TCF4: variants seen among roughly 807,000 people sequenced by gnomAD.
TCF4 encodes transcription factor 4.
In TCF4, 3 loss-of-function variants were observed where a neutral mutation model predicts 82.1. The ratio of observed to expected loss-of-function variants is 0.04; its 90% CI spans 0.02 to 0.09. TCF4 has a LOEUF of 0.09. TCF4 is among the 10% of genes least tolerant of loss of function. TCF4 has a pLI of 1.00. For synonymous variants in TCF4, 276 were observed against 309.6 expected, an observed-to-expected ratio of 0.89 and a Z score of 1.14; for missense variants, 518 against 852.7, an observed-to-expected ratio of 0.61 and a Z score of 4.89.
intron 3 of TCF4, among the ~76,000 whole-genome samples, chr18:55,470,295 C>T (rs2096145161): frequency 6.6e-6 from 1 of 152,186 alleles, no homozygotes; most frequent in African/African-American, 2.4e-5. Context: ...CTGAGCCTTA[C>T]ATTTTTATGA....
chr18:55,272,626 GA>G (rs1010226212), intron 10 of TCF4, among the ~76,000 whole-genome samples: 3 of 152,020 alleles, frequency 2.0e-5, no homozygotes, highest in Non-Finnish European at 4.4e-5. Context: ...ACATAAATAA[GA>G]ATAAAATCAT....
chr18:55,431,393 C>T (rs1414245252), intron 5 of TCF4, among the ~76,000 whole-genome samples: 7 of 152,180 alleles, frequency 4.6e-5, no homozygotes, highest in African/African-American at 1.7e-4. Context: ...AATTCTCTCG[C>T]CTCAGCCTCC....
chr18:55,559,993 T>C (rs928376411), intron 3 of TCF4, among the ~76,000 whole-genome samples: 1 of 152,226 alleles, frequency 6.6e-6, no homozygotes, highest in Non-Finnish European at 1.5e-5. Context: ...CCAACTGGCC[T>C]TGCCATTGTC....
chr18:55,567,318 T>C (rs2097418175), intron 3 of TCF4, among the ~76,000 whole-genome samples: 1 of 152,230 alleles, frequency 6.6e-6, no homozygotes. Context: ...CATGTAATAA[T>C]ATAATTTCAA....
intron 3 of TCF4, among the ~76,000 whole-genome samples, chr18:55,581,902 T>A (rs1904983944): frequency 1.3e-5 from 2 of 152,058 alleles, no homozygotes; most frequent in Non-Finnish European, 2.9e-5. Context: ...TCAGTAAAAC[T>A]AAACAGTCAC....
chr18:55,396,517 C>T (rs946436053), intron 6 of TCF4, among the ~76,000 whole-genome samples: 5 of 152,158 alleles, frequency 3.3e-5, no homozygotes, highest in African/African-American at 1.2e-4. Context: ...CAGCAACCCC[C>T]TCGAGTCGGC....
At chr18:55,307,815 C>T (rs1438254971) in intron 8 of TCF4, among the ~76,000 whole-genome samples, 1 of 152,172 alleles carries the variant, frequency 6.6e-6, no homozygotes, top group Middle Eastern at 3.2e-3. Context: ...GTCTGTGTCA[C>T]CATAGGCTTC....
chr18:55,354,301 C>T (rs892231155), intron 6 of TCF4, among the ~76,000 whole-genome samples: 11 of 152,192 alleles, frequency 7.2e-5, no homozygotes, highest in African/African-American at 2.7e-4. Context: ...AAATACAGCA[C>T]TCTGTGAGTG....
intron 6 of TCF4, among the ~76,000 whole-genome samples, chr18:55,378,574 A>G (rs756068494): frequency 6.6e-6 from 1 of 152,210 alleles, no homozygotes; most frequent in Admixed American, 6.5e-5. Context: ...CAGGCTAGCC[A>G]TGTGACTAGT....
intron 8 of TCF4, among the ~76,000 whole-genome samples, chr18:55,341,281 C>A (rs905788071): frequency 6.6e-6 from 1 of 152,180 alleles, no homozygotes; most frequent in Non-Finnish European, 1.5e-5. Flanking sequence ...AGACATGTTT[C>A]TTCACCTCTC....
At chr18:55,416,095 G>C (rs2094516830) in intron 5 of TCF4, among the ~76,000 whole-genome samples, 1 of 152,040 alleles carries the variant, frequency 6.6e-6, no homozygotes, top group South Asian at 2.1e-4. Flanking sequence ...TTTACAGTAG[G>C]TTATACCAGA....
chr18:55,436,674 T>C (rs1039638058), intron 5 of TCF4, among the ~76,000 whole-genome samples: 2 of 152,216 alleles, frequency 1.3e-5, no homozygotes, highest in South Asian at 4.1e-4. Flanking sequence ...GAAATTGCAG[T>C]GCTGAGCAGC....
intron 3 of TCF4, among the ~76,000 whole-genome samples, chr18:55,580,955 T>C (rs1329413498): frequency 2.6e-5 from 4 of 151,940 alleles, no homozygotes; most frequent in East Asian, 1.9e-4. Context: ...ATACAACAGG[T>C]ATAAGGTACA....
At chr18:55,298,141 C>CTA (rs1383788115) in intron 8 of TCF4, among the ~76,000 whole-genome samples, 1 of 152,216 alleles carries the variant, frequency 6.6e-6, no homozygotes, top group East Asian at 1.9e-4. Context: ...GTATCTAACA[C>CTA]TATCTCATGC....
intron 15 of TCF4, among the ~76,000 whole-genome samples, chr18:55,249,428 C>T (rs534218787): frequency 6.6e-6 from 1 of 152,314 alleles, no homozygotes; most frequent in African/African-American, 2.4e-5. Context: ...CTGCAGGACT[C>T]TGAAGGGATG....
chr18:55,619,722 T>C (rs1405208401), intron 2 of TCF4, among the ~76,000 whole-genome samples: 2 of 152,202 alleles, frequency 1.3e-5, no homozygotes, highest in Non-Finnish European at 1.5e-5. Context: ...CCTAATTACT[T>C]GTTATATTTT....
chr18:55,540,151 A>T (rs893670975), intron 3 of TCF4, among the ~76,000 whole-genome samples: 1 of 152,020 alleles, frequency 6.6e-6, no homozygotes, highest in East Asian at 1.9e-4. Flanking sequence ...ACAGAGGAGG[A>T]GTAAGGAAGA....
At chr18:55,570,605 T>G (rs1056845541) in intron 3 of TCF4, among the ~76,000 whole-genome samples, 14 of 152,034 alleles carry the variant, frequency 9.2e-5, no homozygotes, top group African/African-American at 3.1e-4. Context: ...AATGCGGCCC[T>G]GTGTGGTGGC....
chr18:55,393,147 T>C (rs769142984), intron 6 of TCF4, among the ~76,000 whole-genome samples: 19 of 152,178 alleles, frequency 1.2e-4, no homozygotes, highest in Non-Finnish European at 2.2e-4. Context: ...GAAGGATGGC[T>C]TGAAGTCAGG....
Sources: allele counts gnomAD v4.1 joint callset (sites outside exome capture counted in the v4.1 genomes callset), GRCh38; gene constraint gnomAD v4.1.1; transcripts MANE v1.5; gene names NCBI Gene and HGNC (gene_info 2026-07-23, HGNC 2026-07-21).